GRM8: variants seen among roughly 807,000 people sequenced by gnomAD.
The protein encoded by GRM8 is metabotropic glutamate receptor 8.
Under a neutral mutation model 87.2 loss-of-function variants are expected in GRM8, and 47 were observed. The ratio of observed to expected loss-of-function variants is 0.54; its 90% confidence interval spans 0.43 to 0.69. GRM8 has a LOEUF of 0.69. GRM8 is among the 30% of genes least tolerant of loss of function. GRM8 has a pLI of 0.00. For synonymous variants in GRM8, 396 were observed against 404.5 expected (o/e 0.98, Z 0.25); for missense variants, 1,019 against 1,139.2 (o/e 0.89, Z 1.52).
chr7:127,204,551 C>T (rs1417443962), intron 2 of GRM8, among the ~76,000 whole-genome samples: 1 of 152,170 alleles, frequency 6.6e-6, no homozygotes, highest in Non-Finnish European at 1.5e-5. Context: ...GTCTTTATTT[C>T]CATGATGCTC....
At chr7:127,114,193 G>A (rs1251367489) in intron 2 of GRM8, among the ~76,000 whole-genome samples, 1 of 152,150 alleles carries the variant, frequency 6.6e-6, no homozygotes, top group African/African-American at 2.4e-5. Flanking sequence ...AGGAAATTCA[G>A]TCTCTGACCT....
intron 7 of GRM8, among the ~76,000 whole-genome samples, chr7:126,749,148 C>T (rs994153459): frequency 6.6e-6 from 1 of 152,090 alleles, no homozygotes. Context: ...CATCCTGGTG[C>T]CTGCCTGTAA....
intron 6 of GRM8, among the ~76,000 whole-genome samples, chr7:126,807,701 C>G (rs780423491): frequency 1.3e-5 from 2 of 152,082 alleles, no homozygotes; most frequent in Non-Finnish European, 2.9e-5. Context: ...CCAGTTGCCT[C>G]TAAAGACCCA....
intron 6 of GRM8, among the ~76,000 whole-genome samples, chr7:126,819,916 AC>A (rs1794149815): frequency 1.3e-5 from 2 of 152,254 alleles, no homozygotes; most frequent in East Asian, 3.9e-4. Context: ...TAGCAATATA[AC>A]CTTCAGCAAT....
chr7:127,181,579 T>C (rs1304074384), intron 2 of GRM8, among the ~76,000 whole-genome samples: 2 of 152,116 alleles, frequency 1.3e-5, no homozygotes, highest in Non-Finnish European at 2.9e-5. Context: ...GGCATCACAC[T>C]ACCTGATTTC....
At chr7:126,550,349 T>C (rs556300768) in intron 8 of GRM8, among the ~76,000 whole-genome samples, 1 of 152,132 alleles carries the variant, frequency 6.6e-6, no homozygotes. Flanking sequence ...CTTGACCTCA[T>C]GATCCACCCG....
In GRM8 at chr7:127,242,971, G is replaced by A; in HGVS notation, c.234C>T (p.Ala78=). The part of the protein sequence containing the change: ...KKEKGIHRLE[A]MLYAIDQINK... ...TAATCTGGTCAATTGCATAAAGCAT[G>A]GCCTCCAGTCTGTGAATCCCCTTTT... Residue 78 remains alanine, a synonymous_variant, in exon 2 of 11, where the codon GCC becomes GCT. Coordinates refer to ENST00000339582, the MANE Select transcript of GRM8 (RefSeq NM_000845.3). 1 of 1,614,108 alleles carries A rather than the reference G, an allele frequency of 6.2e-7. No individual in the cohort carries two copies. Among genetic ancestry groups the A allele is most frequent in the Admixed American group, 1.7e-5 (1 of 60,016 alleles).
At chr7:126,756,907 C>G (rs187153494) in intron 7 of GRM8, among the ~76,000 whole-genome samples, 5 of 151,994 alleles carry the variant, frequency 3.3e-5, no homozygotes, top group African/African-American at 1.2e-4. Context: ...AAAAGAATGA[C>G]GATAACAAAA....
chr7:126,723,158 C>T (rs1812611576), intron 7 of GRM8, among the ~76,000 whole-genome samples: 2 of 151,758 alleles, frequency 1.3e-5, no homozygotes, highest in Middle Eastern at 3.4e-3. Context: ...TGTAATAACG[C>T]CCCTTTCTCT....
At chr7:126,994,082 C>G (rs930824958) in intron 3 of GRM8, among the ~76,000 whole-genome samples, 23 of 152,152 alleles carry the variant, frequency 1.5e-4, no homozygotes, top group African/African-American at 5.3e-4. Context: ...AGGACTCCTT[C>G]CTTCTACTTG....
chr7:127,239,013 G>C (rs1188875840), intron 2 of GRM8, among the ~76,000 whole-genome samples: 1 of 152,216 alleles, frequency 6.6e-6, no homozygotes, highest in Non-Finnish European at 1.5e-5. Context: ...ACAACACCTA[G>C]ATCCCTTGCA....
intron 8 of GRM8, among the ~76,000 whole-genome samples, chr7:126,560,034 A>G (rs1428631485): frequency 1.3e-5 from 2 of 152,232 alleles, no homozygotes; most frequent in Non-Finnish European, 2.9e-5. Context: ...AGAAACCTGC[A>G]TTGTAGAGCA....
At chr7:126,595,533 C>T (rs1797096755) in intron 8 of GRM8, among the ~76,000 whole-genome samples, 1 of 151,668 alleles carries the variant, frequency 6.6e-6, no homozygotes, top group Admixed American at 6.6e-5. Context: ...TCCCAAAGTG[C>T]TAGGATTATA....
intron 9 of GRM8, among the ~76,000 whole-genome samples, chr7:126,467,076 T>C (rs1804583776): frequency 1.3e-5 from 2 of 152,124 alleles, no homozygotes; most frequent in Non-Finnish European, 2.9e-5. Context: ...ACACCTGCCA[T>C]GGTGGTTTGC....
At chr7:127,245,359 G>A (rs1236456764) in intron 1 of GRM8, among the ~76,000 whole-genome samples, 2 of 152,232 alleles carry the variant, frequency 1.3e-5, no homozygotes, top group Non-Finnish European at 2.9e-5. Flanking sequence ...TAAGGTGAAG[G>A]AGAAATGTCT....
At chr7:126,945,980 T>G (rs1807491477) in intron 3 of GRM8, among the ~76,000 whole-genome samples, 1 of 152,228 alleles carries the variant, frequency 6.6e-6, no homozygotes, top group Admixed American at 6.5e-5. Context: ...CATATTCATG[T>G]GTTCAATGTG....
chr7:126,613,365 A>G (rs751188655), intron 7 of GRM8, among the ~76,000 whole-genome samples: 42 of 152,218 alleles, frequency 2.8e-4, no homozygotes, highest in Non-Finnish European at 5.0e-4. Flanking sequence ...TTTAATAACA[A>G]CACAGGTAAG....
At chr7:126,683,908 A>C (rs1282845751) in intron 7 of GRM8, among the ~76,000 whole-genome samples, 1 of 152,204 alleles carries the variant, frequency 6.6e-6, no homozygotes, top group South Asian at 2.1e-4. Flanking sequence ...GTGAGATAGC[A>C]TTAAAACATT....
chr7:127,007,658 T>C (rs1283977897), intron 3 of GRM8, among the ~76,000 whole-genome samples: 1 of 152,118 alleles, frequency 6.6e-6, no homozygotes, highest in Non-Finnish European at 1.5e-5. Flanking sequence ...CATGTAATCA[T>C]AGTTAGAGAA....
Sources: allele counts gnomAD v4.1 joint callset (sites outside exome capture counted in the v4.1 genomes callset), GRCh38; gene constraint gnomAD v4.1.1; transcripts MANE v1.5; gene names NCBI Gene and HGNC (gene_info 2026-07-23, HGNC 2026-07-21).